The following TNN variants were observed in gnomAD, a reference collection of about 807,000 sequenced individuals.
The protein encoded by TNN is tenascin-N.
In TNN, 122 loss-of-function variants were observed where a neutral mutation model predicts 134.4. The observed-to-expected ratio is 0.91, with a 90% confidence interval of 0.78 to 1.06. The LOEUF (loss-of-function observed/expected upper bound fraction) is 1.06, where lower values mean the gene tolerates loss of function less well. TNN is among the 50% of genes least tolerant of loss of function. The pLI, the probability that TNN is intolerant of heterozygous loss-of-function variation, is 0.00. For missense variants in TNN, 1,739 were observed against 1,699.4 expected (o/e 1.02, Z -0.41); for synonymous variants, 710 against 670.3 (o/e 1.06, Z -0.91).
At chr1:175,146,849 A>G (rs1261821540) in intron 18 of TNN, 82 bp from the exon 19 acceptor site, 2 of 1,264,050 alleles carry the variant, frequency 1.6e-6, no homozygotes, top group Non-Finnish European at 2.1e-6. Flanking sequence ...TAATTAATTA[A>G]TTAATTCCTT....
At chr1:175,138,900 T>C (rs1217728939) in intron 17 of TNN, among the ~76,000 whole-genome samples, 2 of 152,234 alleles carry the variant, frequency 1.3e-5, no homozygotes. Flanking sequence ...CAAACCTGTA[T>C]GGCATGTTAC....
At chr1:175,069,939 TTTTTG>T (rs1232521067) in intron 1 of TNN, among the ~76,000 whole-genome samples, 1 of 152,232 alleles carries the variant, frequency 6.6e-6, no homozygotes, top group African/African-American at 2.4e-5. Context: ...ATTGCAGAGT[TTTTTG>T]TTTTGTTTTG....
At chr1:175,076,051 G>A (rs919070331) in intron 1 of TNN, among the ~76,000 whole-genome samples, 8 of 152,216 alleles carry the variant, frequency 5.3e-5, no homozygotes, top group African/African-American at 1.9e-4. Flanking sequence ...CAACTGGGAT[G>A]TATCTTGTGA....
rs1380887038 is a variant in TNN at position 175,123,622 on chromosome 1, G to A, written c.2873G>A (p.Gly958Glu). The A allele has an allele frequency of 2.5e-6, 4 of 1,614,162 alleles. No homozygotes were observed. Among genetic ancestry groups the A allele is most frequent in the Non-Finnish European group, 3.4e-6 (4 of 1,180,026 alleles). Residue 958 changes from glycine (G) to glutamate (E), a missense_variant, in exon 12 of 19, where the codon GGG becomes GAG. Gly to Glu is a moderately conservative substitution (Grantham distance 98, BLOSUM62 -2). Transcript: ENST00000239462. The stretch of plus-strand genomic sequence containing the variant: ...ATGGTGCACGTGTGGGCCCAGAAGG[G>A]GGCCCAGGAGAGCAAGAAGGCTGAC... Reference protein sequence around the residue: ...EYMVHVWAQKGAQESKKADTK... With the variant: ...EYMVHVWAQKEAQESKKADTK...
In TNN at chr1:175,077,686, A is replaced by T. The variant is rs777679264; in HGVS notation, c.268A>T (p.Ile90Phe). 1 of 1,614,086 alleles carries T rather than the reference A, an allele frequency of 6.2e-7. No individual in the cohort carries two copies. The highest frequency in any genetic ancestry group is 1.3e-5 in the African/African-American group (1 of 74,936). ...EEQNIIFRHN[I>F]RLQTPQKDCE... ...ACAGAACATCATCTTCAGGCACAACATCCGCCTTCAGACGCCACAGAAGGA... is the reference window on the plus strand; with the variant it reads ...ACAGAACATCATCTTCAGGCACAACTTCCGCCTTCAGACGCCACAGAAGGA... The change falls in exon 2 of 19, where the codon ATC becomes TTC. Residue 90 changes from isoleucine to phenylalanine, a missense_variant. Transcript: ENST00000239462.
chr1:175,133,076 A>G (rs764222761), intron 15 of TNN, among the ~76,000 whole-genome samples: 1 of 152,238 alleles, frequency 6.6e-6, no homozygotes, highest in African/African-American at 2.4e-5. Context: ...GAGAAATGCA[A>G]TTCTAGCCTT....
intron 9 of TNN, among the ~76,000 whole-genome samples, chr1:175,106,938 T>G (rs372120353): frequency 6.8e-6 from 1 of 146,040 alleles, no homozygotes; most frequent in East Asian, 2.3e-4. Flanking sequence ...TTTAAATGGC[T>G]GACAGATGCC....
intron 9 of TNN, 100 bp from the exon 10 acceptor site, chr1:175,116,839 C>A: frequency 6.6e-7 from 1 of 1,515,302 alleles, no homozygotes; most frequent in Non-Finnish European, 9.1e-7. Context: ...TATGGAGAAA[C>A]CATAAGAACA....
At position 175,117,099 on chromosome 1, in the gene TNN, T is replaced by C. The variant is rs74731074; in HGVS notation, c.2280T>C (p.Ser760=). The change falls in exon 10 of 19, where the codon AGT becomes AGC. Residue 760 remains serine, a synonymous_variant. Transcript: ENST00000239462. ...TREVPVGKEQ[S]STVLTGLRPG... is the part of the protein sequence containing the mutation. ...AGGTTCCGGTGGGGAAGGAGCAGAG[T>C]AGCACTGTCCTGACGGGCCTGAGGC... The C allele has an allele frequency of 1.9e-6, 3 of 1,614,046 alleles. No individual in the cohort carries two copies. The highest frequency in any genetic ancestry group is 1.7e-6 in the Non-Finnish European group (2 of 1,180,010).
At position 175,141,976 on chromosome 1, in the gene TNN, G is replaced by A. The variant is rs183599315; in HGVS notation, c.3596-2411G>A. 8.5e-5 allele frequency among the ~76,000 whole-genome samples: 13 copies of A among 152,266 alleles called. No homozygotes were observed. In the East Asian group the frequency reaches 2.5e-3, roughly 29 times the overall value. ...CCCAGGTTTAGATCATCACAAACAT[G>A]TCTTTAAGAGAGCCTCTGCACAGAT... is the stretch of plus-strand genomic sequence containing the variant. On this transcript the variant is annotated intron_variant, in intron 17 of 18. Coordinates refer to ENST00000239462, the MANE Select transcript of TNN (RefSeq NM_022093.2).
intron 17 of TNN, among the ~76,000 whole-genome samples, chr1:175,144,176 C>T (rs952320283): frequency 6.6e-6 from 1 of 152,100 alleles, no homozygotes; most frequent in Admixed American, 6.5e-5. Context: ...GAGAAACAGG[C>T]CTGAAGTTGG....
rs770681868 is a variant in TNN at position 175,118,821 on chromosome 1, A to G, written c.2647A>G (p.Thr883Ala). 2.1e-5 allele frequency: 34 copies of G among 1,614,072 alleles called. No homozygotes were observed. The highest frequency in any genetic ancestry group is 2.7e-5 in the Non-Finnish European group (32 of 1,180,028). Residue 883 changes from threonine to alanine, a missense_variant, in exon 11 of 19, where the codon ACA (threonine) becomes GCA (alanine). Thr to Ala is a moderately conservative substitution (Grantham distance 58, BLOSUM62 0). Transcript: ENST00000239462. ...CAAGAAGGCTGACACCAAGGCCCAG[A>G]CAGGTAATAGAAGTGAAGAGAAGAG... The part of the protein sequence containing the change: ...ESKKADTKAQ[T>A]EIDGPKNLVT...
rs528194195 is a variant in TNN at position 175,128,619 on chromosome 1, C to T, written c.3203C>T (p.Ser1068Leu). The change falls in exon 15 of 19, where the codon TCG becomes TTG. Residue 1068 changes from serine to leucine, a missense_variant. Ser to Leu is a moderately radical substitution (Grantham distance 145). Coordinates refer to ENST00000239462, the MANE Select transcript of TNN (RefSeq NM_022093.2). The stretch of plus-strand genomic sequence containing the variant: ...GTTGGTGCCCGTTTCCCACACCCTT[C>T]GGACTGCAGTCAGGTTCAGCAGAAC... ...STVGARFPHP[S>L]DCSQVQQNSN... 7.4e-5 allele frequency: 120 copies of T among 1,613,096 alleles called. No individual in the cohort carries two copies. Among genetic ancestry groups the T allele is most frequent in the African/African-American group, 1.3e-4 (10 of 74,988 alleles).
chr1:175,068,852 G>A (rs1322631711), intron 1 of TNN, among the ~76,000 whole-genome samples: 1 of 152,196 alleles, frequency 6.6e-6, no homozygotes, highest in African/African-American at 2.4e-5. Flanking sequence ...AGGTTGCGGT[G>A]AGCCGAGATT....
chr1:175,084,004 G>A, intron 5 of TNN, 69 bp downstream of exon 5: 1 of 1,482,962 alleles, frequency 6.7e-7, no homozygotes, highest in Non-Finnish European at 9.3e-7. Context: ...TGTGCAGAGG[G>A]CACTGGCATC....
At chr1:175,141,330 T>C (rs1375848707) in intron 17 of TNN, among the ~76,000 whole-genome samples, 1 of 152,066 alleles carries the variant, frequency 6.6e-6, no homozygotes, top group African/African-American at 2.4e-5. Context: ...TAACCAATGA[T>C]TTACAGCTGA....
At chr1:175,106,985 C>T (rs942299531) in intron 9 of TNN, among the ~76,000 whole-genome samples, 1 of 146,012 alleles carries the variant, frequency 6.8e-6, no homozygotes, top group Non-Finnish European at 1.5e-5. Context: ...AAAGATAGGA[C>T]AGAATAGCAA....
In TNN at chr1:175,124,400, G is replaced by A. The variant is rs529577671; in HGVS notation, c.2914+737G>A. ...AACAAAACAAAACAAAACAAAAACGGCCAGGCGCGGTGGCTCATGCCTGTA... is the reference window on the plus strand; with the variant it reads ...AACAAAACAAAACAAAACAAAAACGACCAGGCGCGGTGGCTCATGCCTGTA... On this transcript the variant is annotated intron_variant, in intron 12 of 18. Coordinates refer to ENST00000239462, the MANE Select transcript of TNN (RefSeq NM_022093.2). Among the ~76,000 whole-genome samples the A allele has an allele frequency of 7.9e-5, 12 of 152,286 alleles. No individual in the cohort carries two copies. The East Asian group carries it at 2.3e-3, about 29-fold the overall frequency.
At chr1:175,123,738 G>A in intron 12 of TNN, 75 bp downstream of exon 12, 5 of 1,592,656 alleles carry the variant, frequency 3.1e-6, no homozygotes, top group Non-Finnish European at 4.3e-6. Flanking sequence ...GTGGGCTGGG[G>A]AGGGGAGCAG....
Sources: gnomAD v4.1 joint callset for allele counts (sites outside exome capture counted in the v4.1 genomes callset) on GRCh38, gnomAD v4.1.1 for gene constraint, MANE v1.5 for transcripts, NCBI Gene and HGNC (gene_info 2026-07-23, HGNC 2026-07-21) for gene names.